GRHL2: variants seen among roughly 807,000 people sequenced by gnomAD.
GRHL2 encodes grainyhead like transcription factor 2, also known as grainyhead-like protein 2 homolog.
GRHL2 carries 21 observed loss-of-function variants against 83.8 expected under a neutral mutation model. The ratio of observed to expected loss-of-function variants is 0.25; its 90% CI spans 0.18 to 0.36. GRHL2 has a LOEUF of 0.36. Ranked by LOEUF, GRHL2 falls within the 10% of genes least tolerant of loss-of-function variation. The probability of loss-of-function intolerance (pLI) is 1.00; values close to 1 mark genes in which losing one functional copy is unlikely to be tolerated. For synonymous variants in GRHL2, 280 were observed against 278.9 expected (o/e 1.00, Z -0.04); for missense variants, 623 against 781.8 (o/e 0.80, Z 2.42).
chr8:101,571,456 A>T (rs192869369), intron 5 of GRHL2, among the ~76,000 whole-genome samples: 3 of 149,882 alleles, frequency 2.0e-5, no homozygotes, highest in East Asian at 3.9e-4. Context: ...GAAGTTCAAG[A>T]CCAGCCTGGC....
At chr8:101,499,874 G>A (rs1360238035) in intron 1 of GRHL2, among the ~76,000 whole-genome samples, 1 of 152,062 alleles carries the variant, frequency 6.6e-6, no homozygotes, top group African/African-American at 2.4e-5. Context: ...TAAGGAGTTC[G>A]ATATCAGTCT....
chr8:101,599,332 G>A (rs1270725436), intron 8 of GRHL2, among the ~76,000 whole-genome samples, 181 bp downstream of exon 8: 1 of 152,210 alleles, frequency 6.6e-6, no homozygotes, highest in Non-Finnish European at 1.5e-5. Context: ...CCTGTAGAAT[G>A]TAATGAGCCA....
At chr8:101,603,779 G>A (rs1034517907) in intron 8 of GRHL2, among the ~76,000 whole-genome samples, 4 of 152,114 alleles carry the variant, frequency 2.6e-5, no homozygotes, top group Admixed American at 1.3e-4. Flanking sequence ...CAGGCTGGAA[G>A]CCTGTGTAAT....
At chr8:101,608,964 A>G (rs544208207) in intron 8 of GRHL2, among the ~76,000 whole-genome samples, 3 of 150,510 alleles carry the variant, frequency 2.0e-5, no homozygotes. Flanking sequence ...GAACCTGGAA[A>G]GCACAAGGAG....
intron 14 of GRHL2, among the ~76,000 whole-genome samples, chr8:101,656,676 A>G (rs1389912617): frequency 6.6e-6 from 1 of 152,256 alleles, no homozygotes; most frequent in Non-Finnish European, 1.5e-5. Flanking sequence ...CTCCAGTGTC[A>G]TCACTTCTGA....
At chr8:101,675,548 G>C in the GRHL2 span, among the ~76,000 whole-genome samples, 1 of 150,006 alleles carries the variant, frequency 6.7e-6, no homozygotes, top group African/African-American at 2.5e-5. Context: ...CACTGCTCAA[G>C]GAAATAAAAG....
chr8:101,666,361 G>T (rs1814057237), intron 15 of GRHL2, among the ~76,000 whole-genome samples: 1 of 152,092 alleles, frequency 6.6e-6, no homozygotes, highest in Admixed American at 6.5e-5. Flanking sequence ...AGCGGTTTGG[G>T]TTGAATGTTA....
chr8:101,535,504 C>A (rs1318607252), intron 1 of GRHL2, among the ~76,000 whole-genome samples: 3 of 152,128 alleles, frequency 2.0e-5, no homozygotes, highest in Non-Finnish European at 4.4e-5. Context: ...ATTCTTGGAT[C>A]TGACAGCTCA....
intron 1 of GRHL2, among the ~76,000 whole-genome samples, chr8:101,522,285 CAAT>C (rs1057179807): frequency 8.6e-5 from 13 of 151,814 alleles, no homozygotes; most frequent in Admixed American, 3.3e-4. Context: ...AAAATAATAA[CAAT>C]AATAACAATA....
At chr8:101,606,877 T>C (rs935300694) in intron 8 of GRHL2, among the ~76,000 whole-genome samples, 25 of 152,328 alleles carry the variant, frequency 1.6e-4, no homozygotes, top group South Asian at 6.2e-4. Flanking sequence ...ATCTCAATTT[T>C]AGTAGCTTAA....
intron 6 of GRHL2, among the ~76,000 whole-genome samples, chr8:101,575,397 AT>A (rs1364857388): frequency 2.0e-5 from 3 of 152,004 alleles, no homozygotes; most frequent in Non-Finnish European, 4.4e-5. Flanking sequence ...TAATAAGAAA[AT>A]TTTATTTCTT....
At chr8:101,511,805 T>C (rs1236913240) in intron 1 of GRHL2, among the ~76,000 whole-genome samples, 1 of 152,224 alleles carries the variant, frequency 6.6e-6, no homozygotes, top group Non-Finnish European at 1.5e-5. Flanking sequence ...TTTATTCTTT[T>C]GTGGTTTCAC....
At chr8:101,576,835 CAT>C (rs1448109820) in intron 6 of GRHL2, among the ~76,000 whole-genome samples, 1 of 152,244 alleles carries the variant, frequency 6.6e-6, no homozygotes. Flanking sequence ...AAATAGATAT[CAT>C]AGTTGCTCTT....
intron 14 of GRHL2, among the ~76,000 whole-genome samples, chr8:101,659,545 T>G (rs1209188439): frequency 6.6e-6 from 1 of 152,220 alleles, no homozygotes; most frequent in Non-Finnish European, 1.5e-5. Flanking sequence ...GGTAGTGAGC[T>G]GACTCCTGAG....
intron 1 of GRHL2, among the ~76,000 whole-genome samples, chr8:101,515,023 TTCCTTCCTTCCTTCCTTCCA>T (rs1250396478): frequency 6.9e-6 from 1 of 145,348 alleles, no homozygotes; most frequent in Admixed American, 6.8e-5. Context: ...CCCCTTCATT[TTCCTTCCTTCCTTCCTTCCA>T]TCCTTCCTTC....
intron 14 of GRHL2, among the ~76,000 whole-genome samples, chr8:101,663,140 G>T (rs1160561576): frequency 6.6e-6 from 1 of 152,112 alleles, no homozygotes; most frequent in Non-Finnish European, 1.5e-5. Context: ...CTGATTACTA[G>T]ATATGGAATA....
chr8:101,670,813 T>C (rs1814192474), downstream of GRHL2, among the ~76,000 whole-genome samples: 2 of 152,224 alleles, frequency 1.3e-5, no homozygotes, highest in Admixed American at 6.5e-5. Context: ...TACCAGCTCT[T>C]GTCTCCCACT....
At chr8:101,589,007 T>C (rs1812223506) in intron 7 of GRHL2, among the ~76,000 whole-genome samples, 1 of 152,198 alleles carries the variant, frequency 6.6e-6, no homozygotes, top group African/African-American at 2.4e-5. Flanking sequence ...GGGCCCTGTT[T>C]GTCGGGGTGA....
intron 4 of GRHL2, among the ~76,000 whole-genome samples, chr8:101,561,493 T>G (rs891704031): frequency 4.6e-5 from 7 of 152,318 alleles, no homozygotes; most frequent in African/African-American, 1.7e-4. Context: ...ATAATTAGGC[T>G]TCATCAAACA....
Sources: gnomAD v4.1 joint callset for allele counts (sites outside exome capture counted in the v4.1 genomes callset) on GRCh38, gnomAD v4.1.1 for gene constraint, MANE v1.5 for transcripts, NCBI Gene and HGNC (gene_info 2026-07-23, HGNC 2026-07-21) for gene names.